GAD2: variants seen among roughly 807,000 people sequenced by gnomAD.
GAD2 encodes the protein glutamate decarboxylase 2.
Under a neutral mutation model 80.1 loss-of-function variants are expected in GAD2, and 22 were observed. That is an observed-to-expected ratio of 0.27 (90% CI 0.20 to 0.39). GAD2 has a LOEUF of 0.39. Among genes scored for constraint, GAD2 ranks in the 10% least tolerant of loss-of-function variants. The pLI is 1.00. For synonymous variants in GAD2, 274 were observed against 256.9 expected, an observed-to-expected ratio of 1.07 and a Z score of -0.64; for missense variants, 624 against 738.4, an observed-to-expected ratio of 0.85 and a Z score of 1.80.
At chr10:26,244,272 C>T (rs1371183941) in intron 7 of GAD2, among the ~76,000 whole-genome samples, 2 of 152,078 alleles carry the variant, frequency 1.3e-5, no homozygotes, top group Admixed American at 1.3e-4. Context: ...AAACCTCGTC[C>T]ACTGAGAGTG....
intron 8 of GAD2, among the ~76,000 whole-genome samples, chr10:26,261,297 T>G (rs1013920199): frequency 6.6e-6 from 1 of 152,226 alleles, no homozygotes; most frequent in African/African-American, 2.4e-5. Flanking sequence ...AAATTTTGTG[T>G]TATTATTTAA....
Position 26,277,326 on chromosome 10 carries a change from G to A in GAD2, c.1157+3626G>A, listed in dbSNP as rs908666784. On this transcript the variant is annotated intron_variant, in intron 11 of 15. Coordinates refer to ENST00000376261, the MANE Select transcript of GAD2 (RefSeq NM_001134366.2). ...AGAAGTCTTGGCCAGCCCAGGGCCC[G>A]CCCGCAGAGCCAGGTCAGAATCTGC... 2.6e-5 allele frequency among the ~76,000 whole-genome samples: 4 copies of A among 152,306 alleles called. No homozygotes were observed. In the East Asian group the frequency reaches 5.8e-4, roughly 22 times the overall value.
intron 11 of GAD2, 64 bp downstream of exon 11, chr10:26,273,764 C>A: frequency 7.2e-7 from 1 of 1,397,136 alleles, no homozygotes; most frequent in Non-Finnish European, 1.0e-6. Flanking sequence ...ACACAAATTA[C>A]AGTCAATTTC....
chr10:26,240,501 G>A (rs568316806), intron 7 of GAD2, among the ~76,000 whole-genome samples: 23 of 152,156 alleles, frequency 1.5e-4, no homozygotes, highest in Non-Finnish European at 2.1e-4. Context: ...GGAGGCTGAG[G>A]TGGGCAAATC....
At chr10:26,255,858 G>A (rs7089218) in intron 8 of GAD2, among the ~76,000 whole-genome samples, 54,736 of 151,532 alleles carry the variant, frequency 0.36, 11,196 homozygotes, top group African/African-American at 0.57. Context: ...AAACAGAGAG[G>A]AGAAAGCAAC....
intron 13 of GAD2, among the ~76,000 whole-genome samples, chr10:26,290,433 A>T (rs1834201488): frequency 6.6e-6 from 1 of 152,182 alleles, no homozygotes; most frequent in South Asian, 2.1e-4. Context: ...AAGAAGTAGG[A>T]TTTCACCCAG....
In GAD2 at chr10:26,223,924, G is replaced by C. The variant is rs746740047; in HGVS notation, c.558G>C (p.Leu186Phe). Residue 186 changes from leucine (L) to phenylalanine (F), a missense_variant, in exon 5 of 16, where the codon TTG (leucine) becomes TTC (phenylalanine). Leu to Phe is a conservative substitution (Grantham distance 22). Transcript: ENST00000376261. ...PRYFNQLSTG[L>F]DMVGLAADWL... ...ACTTCAATCAACTTTCTACTGGTTTGGATATGGTTGGATTAGCAGCAGACT... is the reference window on the plus strand; with the variant it reads ...ACTTCAATCAACTTTCTACTGGTTTCGATATGGTTGGATTAGCAGCAGACT... 3.7e-6 allele frequency: 6 copies of C among 1,610,218 alleles called. No individual in the cohort carries two copies. The highest frequency in any genetic ancestry group is 5.1e-6 in the Non-Finnish European group (6 of 1,178,808).
At chr10:26,294,619 A>AT (rs1176657826) in intron 15 of GAD2, among the ~76,000 whole-genome samples, 3 of 152,174 alleles carry the variant, frequency 2.0e-5, no homozygotes, top group African/African-American at 7.2e-5. Context: ...CCTGATCTAG[A>AT]GGAAAAAATG....
intron 8 of GAD2, among the ~76,000 whole-genome samples, chr10:26,250,877 CT>C (rs1181428173): frequency 0.023 from 2,597 of 112,872 alleles, 27 homozygotes; most frequent in African/African-American, 0.082. Flanking sequence ...GTTTTTTTTC[CT>C]TTTTTTTTTT....
chr10:26,223,654 G>A (rs562300532), intron 4 of GAD2, among the ~76,000 whole-genome samples: 3 of 151,680 alleles, frequency 2.0e-5, no homozygotes, highest in Admixed American at 6.6e-5. Flanking sequence ...AAAACCTAAA[G>A]TAGTCTTCGT....
At chr10:26,293,864 A>G (rs1016538337) in intron 15 of GAD2, among the ~76,000 whole-genome samples, 19 of 152,216 alleles carry the variant, frequency 1.2e-4, no homozygotes, top group African/African-American at 4.3e-4. Flanking sequence ...GCAACCTGAC[A>G]TGGGAAGGAT....
Position 26,301,894 on chromosome 10 carries a change from G to A in GAD2, c.*933G>A, listed in dbSNP as rs993054971. 2.0e-5 allele frequency: 3 copies of A among 152,176 alleles called. No individual in the cohort carries two copies. The highest frequency in any genetic ancestry group is 2.1e-4 in the South Asian group (1 of 4,818). The allele number at this position is 152,176 out of a possible 1,614,324, so 9.4% of individuals were successfully genotyped here. ...TTGTCTCTATTCTGCTTTCCAGTTCGGCCTGTTTTGAACAGAAGGTTGATG... is the reference window on the plus strand; with the variant it reads ...TTGTCTCTATTCTGCTTTCCAGTTCAGCCTGTTTTGAACAGAAGGTTGATG... On this transcript the variant is annotated 3_prime_UTR_variant, in exon 16 of 16. Coordinates refer to ENST00000376261, the MANE Select transcript of GAD2 (RefSeq NM_001134366.2).
At chr10:26,286,203 CT>C (rs1033610717) in intron 12 of GAD2, 141 bp from the exon 13 acceptor site, 24 of 769,608 alleles carry the variant, frequency 3.1e-5, no homozygotes, top group Admixed American at 9.5e-5. Context: ...TGCCCCCATT[CT>C]TTTTTTTAAA....
intron 8 of GAD2, among the ~76,000 whole-genome samples, chr10:26,268,138 A>G (rs772806398): frequency 3.2e-4 from 48 of 152,220 alleles, no homozygotes; most frequent in Non-Finnish European, 6.0e-4. Context: ...AAAGTTGGCT[A>G]TGTTAGCAAC....
chr10:26,231,683 T>C (rs983247144), intron 7 of GAD2, among the ~76,000 whole-genome samples: 1 of 152,214 alleles, frequency 6.6e-6, no homozygotes, highest in African/African-American at 2.4e-5. Context: ...TATTACCTTA[T>C]AGTTCTGGGG....
chr10:26,282,981 C>G (rs78148254), intron 12 of GAD2, among the ~76,000 whole-genome samples: 1 of 152,300 alleles, frequency 6.6e-6, no homozygotes, highest in Non-Finnish European at 1.5e-5. Flanking sequence ...GAGACCTCAA[C>G]TATAATTACT....
intron 7 of GAD2, among the ~76,000 whole-genome samples, chr10:26,232,468 A>ATT (rs1564658024): frequency 2.4e-4 from 31 of 131,668 alleles, no homozygotes; most frequent in African/African-American, 7.5e-4. Context: ...AACTCAGTCT[A>ATT]CTTTTTTTTT....
intron 7 of GAD2, among the ~76,000 whole-genome samples, chr10:26,238,003 CAG>C (rs200308052): frequency 0.062 from 6,261 of 100,346 alleles, 463 homozygotes; most frequent in African/African-American, 0.28. Context: ...CTCCATCACA[CAG>C]ACACACACAC....
intron 15 of GAD2, among the ~76,000 whole-genome samples, chr10:26,299,457 T>C (rs867714383): frequency 1.3e-5 from 2 of 152,302 alleles, no homozygotes; most frequent in Middle Eastern, 3.4e-3. Context: ...ATATTATATA[T>C]TTACAAACTC....
Sources: gnomAD v4.1 joint callset for allele counts (sites outside exome capture counted in the v4.1 genomes callset) on GRCh38, gnomAD v4.1.1 for gene constraint, MANE v1.5 for transcripts, NCBI Gene and HGNC (gene_info 2026-07-23, HGNC 2026-07-21) for gene names.